Variants in RABGAP1 observed in about 807,000 individuals in gnomAD.
RABGAP1 encodes rab GTPase-activating protein 1.
RABGAP1 carries 23 observed loss-of-function variants against 137.6 expected under a neutral mutation model. The observed-to-expected ratio is 0.17, with a 90% CI of 0.12 to 0.24. The LOEUF (loss-of-function observed/expected upper bound fraction) is 0.24. Ranked by LOEUF, RABGAP1 falls within the 10% of genes least tolerant of loss-of-function variation. The pLI, the probability that RABGAP1 is intolerant of heterozygous loss-of-function variation, is 1.00. For missense variants in RABGAP1, 906 were observed against 1,275.8 expected (o/e 0.71, Z 4.42); for synonymous variants, 451 against 450.7 (o/e 1.00, Z -0.01).
chr9:122,951,752 T>C (rs1237499510), intron 1 of RABGAP1, among the ~76,000 whole-genome samples: 1 of 152,076 alleles, frequency 6.6e-6, no homozygotes, highest in Non-Finnish European at 1.5e-5. Flanking sequence ...AAATATCTTA[T>C]TTTAGAGATG....
At chr9:122,990,799 ATATATATATATATAT>A (rs1836677083) in intron 6 of RABGAP1, 13 of 41,794 alleles carry the variant, frequency 3.1e-4, no homozygotes, top group African/African-American at 1.0e-3. Flanking sequence ...AAAAAAAAAT[ATATATATATATATAT>A]ATATATATAT....
At chr9:122,931,957 G>A in the RABGAP1 span, among the ~76,000 whole-genome samples, 1 of 152,216 alleles carries the variant, frequency 6.6e-6, no homozygotes, top group Non-Finnish European at 1.5e-5. Context: ...ACTTTTGGAT[G>A]TGTTTTTCAG....
chr9:122,983,330 A>G lies in RABGAP1; in HGVS notation c.151-1155A>G, dbSNP rs80160227. 5.2e-3 allele frequency among the ~76,000 whole-genome samples: 794 copies of G among 152,340 alleles called. 5 individuals carry two copies. The highest frequency in any genetic ancestry group is 0.018 in the African/African-American group (755 of 41,572). ...CAAACATAAAATGAAATTCACAGAA[A>G]CAGAAATTGTCATTGAAGCCAAGAA... On this transcript the variant is annotated intron_variant, in intron 2 of 25. Transcript: ENST00000373647.
chr9:123,096,447 A>G (rs745332062), intron 21 of RABGAP1, among the ~76,000 whole-genome samples: 67 of 152,366 alleles, frequency 4.4e-4, no homozygotes, highest in Non-Finnish European at 8.2e-4. Context: ...GGGTATTACC[A>G]AGGACAAAGA....
intron 2 of RABGAP1, among the ~76,000 whole-genome samples, chr9:122,983,646 G>A (rs960108514): frequency 6.6e-6 from 1 of 152,122 alleles, no homozygotes. Context: ...TTAGGTTTTA[G>A]TCTTCAGAAA....
chr9:123,076,848 G>C, intron 19 of RABGAP1, 86 bp downstream of exon 19: 3 of 909,908 alleles, frequency 3.3e-6, no homozygotes, highest in Non-Finnish European at 4.2e-6. Flanking sequence ...AATTATTTAT[G>C]TATTATATTT....
intron 14 of RABGAP1, among the ~76,000 whole-genome samples, chr9:123,066,185 G>A (rs1227863599): frequency 6.6e-6 from 1 of 152,200 alleles, no homozygotes; most frequent in African/African-American, 2.4e-5. Flanking sequence ...GGACAGACTA[G>A]CAGTAAAGGA....
intron 13 of RABGAP1, among the ~76,000 whole-genome samples, chr9:123,045,788 CTT>C (rs960470084): frequency 6.6e-6 from 1 of 152,114 alleles, no homozygotes; most frequent in Non-Finnish European, 1.5e-5. Flanking sequence ...TTTTTGGAGT[CTT>C]TGGCCCTTGG....
intron 10 of RABGAP1, among the ~76,000 whole-genome samples, chr9:123,007,293 T>C (rs1385277363): frequency 6.6e-6 from 1 of 151,908 alleles, no homozygotes; most frequent in East Asian, 1.9e-4. Context: ...CAGGCTAGTC[T>C]TGAACTCCTG....
Position 123,070,478 on chromosome 9 carries a change from C to T in RABGAP1, c.1983+54C>T. The T allele has an allele frequency of 6.2e-7, 1 of 1,612,702 alleles. No individual in the cohort carries two copies. The highest frequency in any genetic ancestry group is 8.5e-7 in the Non-Finnish European group (1 of 1,179,380). ...AACACATGGCCTCCCTCAGCTTATA[C>T]TAACCTTAGGCTTGAGCATGGTTTT... is the stretch of plus-strand genomic sequence containing the variant. On this transcript the variant is annotated intron_variant, in intron 15 of 25. Coordinates refer to ENST00000373647, the MANE Select transcript of RABGAP1 (RefSeq NM_012197.4). The surrounding 1 kb of genome is among the most constrained non-coding windows in gnomAD (Gnocchi z 4.4).
At chr9:122,990,386 G>T (rs1209329586) in intron 6 of RABGAP1, 173 bp downstream of exon 6, 1 of 482,284 alleles carries the variant, frequency 2.1e-6, no homozygotes. Flanking sequence ...AAAGTTTGAA[G>T]AATTTTAAAG....
At chr9:122,936,558 C>T (rs149328181), upstream of RABGAP1, among the ~76,000 whole-genome samples, 395 of 152,264 alleles carry the variant, frequency 2.6e-3, no homozygotes, top group African/African-American at 9.0e-3. Flanking sequence ...CCCTGTAGCA[C>T]GCAGCTGTAT....
intron 13 of RABGAP1, among the ~76,000 whole-genome samples, chr9:123,055,793 G>A (rs1004398566): frequency 1.3e-5 from 2 of 151,994 alleles, no homozygotes; most frequent in South Asian, 2.1e-4. Context: ...CAGGTGATCC[G>A]ACCACCTTTG....
rs1455367914 is a variant in RABGAP1, at chr9:123,075,581, C to T, written c.2254-664C>T. Reference sequence around the variant, plus strand: ...GTGCTATACTTTATGTAACCAATTTCTAATCACAAACCTTTAAATTGTTTC... The same window carrying T: ...GTGCTATACTTTATGTAACCAATTTTTAATCACAAACCTTTAAATTGTTTC... On this transcript the variant is annotated intron_variant, in intron 17 of 25. Transcript: ENST00000373647. 2.0e-5 allele frequency among the ~76,000 whole-genome samples: 3 copies of T among 152,312 alleles called. No individual in the cohort carries two copies. In the East Asian group the frequency reaches 5.8e-4, roughly 29 times the overall value.
In RABGAP1 at chr9:123,076,610, A is replaced by G. The variant is rs200421727; in HGVS notation, c.2296-24A>G. The G allele has an allele frequency of 1.3e-5, 21 of 1,578,464 alleles. No homozygotes were observed. The South Asian group carries it at 1.9e-4, about 14-fold the overall frequency. ...ATCCTTATAGCAACACATTTTTTCT[A>G]TATGTGTTTGTATTTTCTTCAAGAC... On this transcript the variant is annotated intron_variant, in intron 18 of 25. Transcript: ENST00000373647.
At chr9:122,943,865 A>G (rs924896239) in intron 1 of RABGAP1, among the ~76,000 whole-genome samples, 1 of 152,130 alleles carries the variant, frequency 6.6e-6, no homozygotes, top group East Asian at 1.9e-4. Context: ...AGGCAGGAGA[A>G]TGGCGTGAAC....
intron 2 of RABGAP1, among the ~76,000 whole-genome samples, chr9:122,970,074 A>ATTTTTTTTTT (rs34261698): frequency 6.3e-5 from 9 of 143,482 alleles, no homozygotes; most frequent in Non-Finnish European, 4.5e-5. Context: ...TATCCGGCTA[A>ATTTTTTTTTT]TTTTTTTTTT....
chr9:123,066,954 C>A (rs2034194337), intron 14 of RABGAP1, among the ~76,000 whole-genome samples: 1 of 152,002 alleles, frequency 6.6e-6, no homozygotes, highest in African/African-American at 2.4e-5. Context: ...GTTGCTTCAT[C>A]TTTTTTTTCC....
At chr9:122,989,944 A>G (rs1836580361) in intron 5 of RABGAP1, 112 bp from the exon 6 acceptor site, 2 of 1,222,582 alleles carry the variant, frequency 1.6e-6, no homozygotes, top group South Asian at 1.7e-5. Context: ...ACCAAAAGAA[A>G]TAAGTGGGAT....
Sources: allele counts gnomAD v4.1 joint callset (sites outside exome capture counted in the v4.1 genomes callset), GRCh38; gene constraint gnomAD v4.1.1; non-coding constraint Gnocchi (gnomAD v3.1); transcripts MANE v1.5; gene names NCBI Gene and HGNC (gene_info 2026-07-23, HGNC 2026-07-21).